Variants in COP1 observed in about 807,000 individuals in gnomAD.
COP1 encodes E3 ubiquitin-protein ligase COP1.
COP1 carries 24 observed loss-of-function variants against 101.3 expected under a neutral mutation model. The observed-to-expected ratio is 0.24, with a 90% CI of 0.17 to 0.33. The LOEUF (loss-of-function observed/expected upper bound fraction) is 0.33, where lower values mean the gene tolerates loss of function less well. Ranked by LOEUF, COP1 falls within the 10% of genes least tolerant of loss-of-function variation. The pLI is 1.00. For synonymous variants in COP1, 347 were observed against 341.9 expected, an observed-to-expected ratio of 1.01 and a Z score of -0.17; for missense variants, 663 against 906.2, an observed-to-expected ratio of 0.73 and a Z score of 3.45.
chr1:176,113,849 T>G (rs1336009380), intron 9 of COP1, among the ~76,000 whole-genome samples: 1 of 152,024 alleles, frequency 6.6e-6, no homozygotes, highest in Non-Finnish European at 1.5e-5. Context: ...GTAACTTATG[T>G]AATGATAAAT....
At chr1:176,094,122 G>A (rs73040940) in intron 9 of COP1, among the ~76,000 whole-genome samples, 1 of 151,890 alleles carries the variant, frequency 6.6e-6, no homozygotes, top group African/African-American at 2.4e-5. Flanking sequence ...TCAGGAACAG[G>A]GCATATAAAA....
At chr1:176,046,144 T>C (rs146880802) in intron 12 of COP1, 37 bp downstream of exon 12, 3 of 1,536,324 alleles carry the variant, frequency 2.0e-6, no homozygotes, top group Non-Finnish European at 8.9e-7. Context: ...AATTGTTACA[T>C]CTATACTGCA....
At chr1:176,183,336 T>C (rs894662938) in intron 2 of COP1, among the ~76,000 whole-genome samples, 16 of 152,206 alleles carry the variant, frequency 1.1e-4, no homozygotes, top group African/African-American at 3.4e-4. Flanking sequence ...ACACAAGGTA[T>C]ACTAAGGCTA....
chr1:176,176,988 T>G (rs917017680), intron 2 of COP1, among the ~76,000 whole-genome samples: 2 of 152,100 alleles, frequency 1.3e-5, no homozygotes, highest in African/African-American at 4.8e-5. Flanking sequence ...TTCTAGGAAT[T>G]TATCCTAAGG....
At chr1:176,057,460 G>A (rs866359407) in intron 11 of COP1, among the ~76,000 whole-genome samples, 2 of 151,834 alleles carry the variant, frequency 1.3e-5, no homozygotes, top group Middle Eastern at 6.8e-3. Context: ...TCAGCCTGCC[G>A]AGTGCCTGCG....
chr1:176,079,656 G>T (rs1339570802), intron 11 of COP1, among the ~76,000 whole-genome samples: 1 of 151,424 alleles, frequency 6.6e-6, no homozygotes, highest in Non-Finnish European at 1.5e-5. Flanking sequence ...AAGGTTCAAG[G>T]TATTAAAAAT....
intron 1 of COP1, among the ~76,000 whole-genome samples, chr1:176,188,834 T>TAA (rs1553314490): frequency 1.3e-5 from 2 of 148,416 alleles, no homozygotes; most frequent in Admixed American, 6.7e-5. Flanking sequence ...AACACATAGA[T>TAA]ACACACACAC....
chr1:176,125,718 G>C (rs1450679245), intron 8 of COP1, among the ~76,000 whole-genome samples: 1 of 151,986 alleles, frequency 6.6e-6, no homozygotes, highest in African/African-American at 2.4e-5. Flanking sequence ...GGTCTTTCGT[G>C]ATTCCATATA....
intron 11 of COP1, among the ~76,000 whole-genome samples, chr1:176,050,148 A>G (rs750995923): frequency 3.9e-5 from 6 of 152,150 alleles, no homozygotes; most frequent in Non-Finnish European, 7.4e-5. Context: ...CATAAATTGC[A>G]TTTTTCTTTC....
intron 11 of COP1, among the ~76,000 whole-genome samples, chr1:176,076,122 G>A (rs1361403756): frequency 6.6e-6 from 1 of 151,284 alleles, no homozygotes; most frequent in African/African-American, 2.4e-5. Flanking sequence ...TGACCAACTG[G>A]ATACACATTG....
At chr1:176,071,471 T>C (rs1676997308) in intron 11 of COP1, among the ~76,000 whole-genome samples, 1 of 152,156 alleles carries the variant, frequency 6.6e-6, no homozygotes, top group African/African-American at 2.4e-5. Context: ...CTCACTACCA[T>C]GTACATCACT....
intron 9 of COP1, among the ~76,000 whole-genome samples, chr1:176,105,412 T>C (rs1684140931): frequency 6.6e-6 from 1 of 152,200 alleles, no homozygotes; most frequent in Admixed American, 6.5e-5. Flanking sequence ...ATTTTCAGTA[T>C]ATATTCTCAG....
At chr1:176,019,723 T>A (rs1476019508) in intron 15 of COP1, among the ~76,000 whole-genome samples, 1 of 151,694 alleles carries the variant, frequency 6.6e-6, no homozygotes, top group Non-Finnish European at 1.5e-5. Flanking sequence ...TAGCCAGGCA[T>A]CGTAGCATGC....
At chr1:175,964,496 G>C (rs956054783) in intron 18 of COP1, among the ~76,000 whole-genome samples, 2 of 152,136 alleles carry the variant, frequency 1.3e-5, no homozygotes, top group African/African-American at 4.8e-5. Context: ...TAGTGACACA[G>C]AAAATGTAAA....
At chr1:176,160,171 G>T in intron 5 of COP1, 1 of 275,618 alleles carries the variant, frequency 3.6e-6, no homozygotes, top group Non-Finnish European at 7.2e-6. Context: ...ACTAATGCTG[G>T]CATATGAGAA....
intron 18 of COP1, among the ~76,000 whole-genome samples, chr1:175,974,179 G>A (rs563965751): frequency 6.6e-6 from 1 of 152,244 alleles, no homozygotes; most frequent in East Asian, 1.9e-4. Context: ...TTGAACTAAA[G>A]GCAGGTGGTA....
At chr1:176,111,299 T>G (rs551549905) in intron 9 of COP1, among the ~76,000 whole-genome samples, 18 of 151,952 alleles carry the variant, frequency 1.2e-4, no homozygotes, top group African/African-American at 4.1e-4. Flanking sequence ...TTTATTTATT[T>G]TTTGTGTGTG....
At chr1:176,191,824 T>C (rs1699143346) in intron 1 of COP1, among the ~76,000 whole-genome samples, 4 of 152,136 alleles carry the variant, frequency 2.6e-5, no homozygotes, top group Admixed American at 2.6e-4. Context: ...CTAATCTGTC[T>C]CCATCAAGAC....
At chr1:176,043,304 T>G in intron 13 of COP1, 37 bp from the exon 14 acceptor site, 1 of 1,241,344 alleles carries the variant, frequency 8.1e-7, no homozygotes, top group East Asian at 2.3e-5. Context: ...TCAGATAGAA[T>G]ACAGATCTCA....
Sources: allele counts gnomAD v4.1 joint callset (sites outside exome capture counted in the v4.1 genomes callset), GRCh38; gene constraint gnomAD v4.1.1; transcripts MANE v1.5; gene names NCBI Gene and HGNC (gene_info 2026-07-23, HGNC 2026-07-21).